The following ZSWIM5 variants were observed in gnomAD, a reference collection of about 807,000 sequenced individuals.
ZSWIM5 encodes the protein zinc finger SWIM-type containing 5.
Under a neutral mutation model 119.6 loss-of-function variants are expected in ZSWIM5, and 55 were observed. That is an observed-to-expected ratio of 0.46 (90% CI 0.37 to 0.58). The LOEUF is 0.58. Among genes scored for constraint, ZSWIM5 ranks in the 20% least tolerant of loss-of-function variants. The pLI is 0.00. For synonymous variants in ZSWIM5, 537 were observed against 606.9 expected (o/e 0.88, Z 1.69); for missense variants, 1,193 against 1,512.8 (o/e 0.79, Z 3.51).
chr1:45,180,954 CA>C (rs1163988112), intron 1 of ZSWIM5, among the ~76,000 whole-genome samples: 1 of 151,972 alleles, frequency 6.6e-6, no homozygotes. Flanking sequence ...CATCAAAGAC[CA>C]AAAGTACATA....
At position 45,051,141 on chromosome 1, in the gene ZSWIM5, A is replaced by G; in HGVS notation, c.1365T>C (p.Asp455=). 1 of 1,614,212 alleles carries G rather than the reference A, an allele frequency of 6.2e-7. No individual in the cohort carries two copies. The highest frequency in any genetic ancestry group is 8.5e-7 in the Non-Finnish European group (1 of 1,180,038). ...WSDLDVCPLE[D]GNYGHELPNI... is the part of the protein sequence containing the mutation. ...TGGGCAGCTCATGTCCATAGTTTCC[A>G]TCCTCCAGGGGACAGACATCCAGGT... The change falls in exon 5 of 14, where the codon GAT becomes GAC. Residue 455 remains aspartate (D), a synonymous_variant. Coordinates refer to ENST00000359600, the MANE Select transcript of ZSWIM5 (RefSeq NM_020883.2).
intron 1 of ZSWIM5, among the ~76,000 whole-genome samples, chr1:45,125,299 A>G (rs1431604677): frequency 6.6e-6 from 1 of 152,188 alleles, no homozygotes; most frequent in African/African-American, 2.4e-5. Context: ...GGTAACAGGA[A>G]AATCACCCAA....
chr1:45,133,249 G>A (rs1305562941), intron 1 of ZSWIM5, among the ~76,000 whole-genome samples: 1 of 152,116 alleles, frequency 6.6e-6, no homozygotes, highest in Non-Finnish European at 1.5e-5. Context: ...AAGTGTTCCT[G>A]TTTCTCCACA....
chr1:45,183,289 G>C (rs1646034178), intron 1 of ZSWIM5, among the ~76,000 whole-genome samples: 4 of 151,014 alleles, frequency 2.6e-5, no homozygotes, highest in African/African-American at 7.3e-5. Context: ...GCCCACAAGA[G>C]AAAGCAGGAA....
At chr1:45,188,125 C>G (rs1288148665) in intron 1 of ZSWIM5, among the ~76,000 whole-genome samples, 2 of 152,152 alleles carry the variant, frequency 1.3e-5, no homozygotes, top group Non-Finnish European at 2.9e-5. Context: ...AAACACGTAT[C>G]CACACAAAAG....
At chr1:45,023,140 G>A (rs546848143) in intron 11 of ZSWIM5, among the ~76,000 whole-genome samples, 1 of 152,286 alleles carries the variant, frequency 6.6e-6, no homozygotes, top group African/African-American at 2.4e-5. Flanking sequence ...TTATACAGTT[G>A]TATGGGTTTT....
intron 2 of ZSWIM5, among the ~76,000 whole-genome samples, chr1:45,075,089 AT>A (rs1005125027): frequency 1.3e-5 from 2 of 151,506 alleles, no homozygotes; most frequent in African/African-American, 4.9e-5. Flanking sequence ...GCTTATTTCA[AT>A]TTTTTTTGAC....
At chr1:45,104,825 C>T (rs111334683) in intron 1 of ZSWIM5, among the ~76,000 whole-genome samples, 3,142 of 152,298 alleles carry the variant, frequency 0.021, 116 homozygotes, top group African/African-American at 0.072. Context: ...CATTGGCCCC[C>T]CTCAGCACCA....
At chr1:45,150,882 A>G (rs1387224101) in intron 1 of ZSWIM5, among the ~76,000 whole-genome samples, 1 of 152,224 alleles carries the variant, frequency 6.6e-6, no homozygotes, top group Non-Finnish European at 1.5e-5. Context: ...CCTAGATAAC[A>G]TCACCTAAAC....
intron 6 of ZSWIM5, among the ~76,000 whole-genome samples, chr1:45,041,679 G>A (rs80221194): frequency 4.7e-4 from 72 of 151,970 alleles, no homozygotes; most frequent in African/African-American, 1.5e-3. Context: ...TGGGATTACC[G>A]ATGTGTGCCA....
At position 45,020,616 on chromosome 1, in the gene ZSWIM5, C is replaced by T. The variant is rs1401750318; in HGVS notation, c.2613+9G>A. On this transcript the variant is annotated intron_variant, in intron 12 of 13. Coordinates refer to ENST00000359600, the MANE Select transcript of ZSWIM5 (RefSeq NM_020883.2). ...TCTAAACTGTGGATGGCCTACTCTT[C>T]CTCCATACCTGTAACCCAAGTTCCA... The T allele has an allele frequency of 1.9e-6, 3 of 1,612,498 alleles. No individual in the cohort carries two copies. Among genetic ancestry groups the T allele is most frequent in the Non-Finnish European group, 1.7e-6 (2 of 1,179,532 alleles).
chr1:45,074,313 A>G (rs912077291), intron 2 of ZSWIM5, among the ~76,000 whole-genome samples: 1 of 151,816 alleles, frequency 6.6e-6, no homozygotes, highest in Non-Finnish European at 1.5e-5. Context: ...ATTGGTATTA[A>G]TCCTTCTTTA....
chr1:45,157,049 C>A (rs763073803), intron 1 of ZSWIM5, among the ~76,000 whole-genome samples: 1 of 152,126 alleles, frequency 6.6e-6, no homozygotes, highest in African/African-American at 2.4e-5. Context: ...CCTTGTCAAT[C>A]CCCTCTATAG....
chr1:45,104,693 C>T (rs190791974), intron 1 of ZSWIM5, among the ~76,000 whole-genome samples: 4 of 152,338 alleles, frequency 2.6e-5, no homozygotes, highest in African/African-American at 9.6e-5. Context: ...TTATAGAGGT[C>T]ACCCTAAGCT....
chr1:45,063,983 G>GAA (rs1297677308), intron 2 of ZSWIM5, among the ~76,000 whole-genome samples: 1 of 137,152 alleles, frequency 7.3e-6, no homozygotes, highest in Non-Finnish European at 1.6e-5. Context: ...CTCTGTCTCA[G>GAA]AAAAAAAAAA....
At chr1:45,203,473 T>G (rs946134333) in intron 1 of ZSWIM5, among the ~76,000 whole-genome samples, 1 of 152,054 alleles carries the variant, frequency 6.6e-6, no homozygotes, top group African/African-American at 2.4e-5. Flanking sequence ...CGGCCTTCAG[T>G]AACTTCCCAA....
At chr1:45,044,168 T>G (rs1645032778) in intron 5 of ZSWIM5, among the ~76,000 whole-genome samples, 2 of 139,914 alleles carry the variant, frequency 1.4e-5, no homozygotes, top group African/African-American at 5.4e-5. Context: ...CTAGCCTGGG[T>G]GACAGAGCAA....
At chr1:45,173,380 A>C (rs1407108840) in intron 1 of ZSWIM5, among the ~76,000 whole-genome samples, 1 of 152,188 alleles carries the variant, frequency 6.6e-6, no homozygotes, top group East Asian at 1.9e-4. Context: ...GATGTTACTA[A>C]GGCAATAAAT....
rs115565667 is a variant in ZSWIM5 at position 45,201,033 on chromosome 1, A to G, written c.595+4723T>C. ...TGGAGTAGGGTGAGCCCCTAATCCA[A>G]TATGACCGGTGTCCTTATAAGAAGG... On this transcript the variant is annotated intron_variant, in intron 1 of 13. Coordinates refer to ENST00000359600, the MANE Select transcript of ZSWIM5 (RefSeq NM_020883.2). Among the ~76,000 whole-genome samples the G allele has an allele frequency of 3.5e-3, 538 of 152,302 alleles. 4 individuals carry two copies. The highest frequency in any genetic ancestry group is 0.012 in the African/African-American group (488 of 41,558).
Sources: allele counts gnomAD v4.1 joint callset (sites outside exome capture counted in the v4.1 genomes callset), GRCh38; gene constraint gnomAD v4.1.1; transcripts MANE v1.5; gene names NCBI Gene and HGNC (gene_info 2026-07-23, HGNC 2026-07-21).